Variants in ZNF804A observed in about 807,000 individuals in gnomAD.
ZNF804A encodes zinc finger protein 804A.
Under a neutral mutation model 16.5 loss-of-function variants are expected in ZNF804A, and 2 were observed. That is an observed-to-expected ratio of 0.12 (90% CI 0.05 to 0.38). The LOEUF (loss-of-function observed/expected upper bound fraction) is 0.38. Among genes scored for constraint, ZNF804A ranks in the 10% least tolerant of loss-of-function variants. The pLI, the probability that ZNF804A is intolerant of heterozygous loss-of-function variation, is 0.99. For synonymous variants in ZNF804A, 534 were observed against 489.6 expected, an observed-to-expected ratio of 1.09 and a Z score of -1.20; for missense variants, 1,473 against 1,390.7, an observed-to-expected ratio of 1.06 and a Z score of -0.94.
At chr2:184,658,221 C>T (rs545716839) in intron 1 of ZNF804A, among the ~76,000 whole-genome samples, 21 of 152,118 alleles carry the variant, frequency 1.4e-4, no homozygotes, top group Non-Finnish European at 2.5e-4. Context: ...TGGTGGCTCA[C>T]GCCTGTAATC....
At chr2:184,694,927 A>G (rs1352495109) in intron 1 of ZNF804A, among the ~76,000 whole-genome samples, 1 of 152,148 alleles carries the variant, frequency 6.6e-6, no homozygotes, top group Admixed American at 6.5e-5. Context: ...TGGATGTACG[A>G]ATTACACTAT....
At chr2:184,683,239 T>C (rs188507670) in intron 1 of ZNF804A, among the ~76,000 whole-genome samples, 4 of 152,326 alleles carry the variant, frequency 2.6e-5, no homozygotes, top group Admixed American at 6.5e-5. Flanking sequence ...AAACCCACAT[T>C]ATTATTTGTT....
intron 1 of ZNF804A, among the ~76,000 whole-genome samples, chr2:184,717,748 T>C (rs942767487): frequency 1.3e-5 from 2 of 152,224 alleles, no homozygotes; most frequent in Non-Finnish European, 2.9e-5. Flanking sequence ...TACATGCATA[T>C]AATGTGTAAT....
chr2:184,775,378 A>T (rs897744377), intron 1 of ZNF804A, among the ~76,000 whole-genome samples: 1 of 151,730 alleles, frequency 6.6e-6, no homozygotes, highest in Non-Finnish European at 1.5e-5. Context: ...CCTGCATGCC[A>T]GTGTAGTAAT....
intron 1 of ZNF804A, among the ~76,000 whole-genome samples, chr2:184,752,280 C>A (rs72901859): frequency 7.3e-5 from 11 of 151,424 alleles, no homozygotes; most frequent in Non-Finnish European, 1.3e-4. Context: ...ATATATACAC[C>A]ATGGAATACT....
intron 1 of ZNF804A, among the ~76,000 whole-genome samples, chr2:184,787,454 C>T (rs1329862149): frequency 6.6e-6 from 1 of 151,924 alleles, no homozygotes; most frequent in Non-Finnish European, 1.5e-5. Context: ...AGAGGTTGAA[C>T]TACTTTGCAT....
At chr2:184,651,506 C>A (rs531445070) in intron 1 of ZNF804A, among the ~76,000 whole-genome samples, 1 of 152,124 alleles carries the variant, frequency 6.6e-6, no homozygotes, top group African/African-American at 2.4e-5. Flanking sequence ...AACAGACAAC[C>A]TACACAATGG....
intron 1 of ZNF804A, among the ~76,000 whole-genome samples, chr2:184,814,620 G>T (rs1285001878): frequency 3.3e-5 from 5 of 152,008 alleles, no homozygotes; most frequent in African/African-American, 1.2e-4. Flanking sequence ...AGCACAGCAT[G>T]GCAGTTTCTG....
At chr2:184,840,160 G>A (rs534927578) in intron 1 of ZNF804A, among the ~76,000 whole-genome samples, 92 of 152,270 alleles carry the variant, frequency 6.0e-4, no homozygotes, top group African/African-American at 2.2e-3. Flanking sequence ...AGGCCAAGGT[G>A]GGAGGATCAC....
intron 1 of ZNF804A, among the ~76,000 whole-genome samples, chr2:184,835,841 T>G (rs1695337326): frequency 1.3e-5 from 2 of 152,046 alleles, no homozygotes; most frequent in African/African-American, 2.4e-5. Context: ...GCAGGCAAGT[T>G]TGTGGAAAAG....
intron 1 of ZNF804A, among the ~76,000 whole-genome samples, chr2:184,818,207 C>A (rs1396303379): frequency 1.3e-5 from 2 of 152,022 alleles, no homozygotes; most frequent in Non-Finnish European, 2.9e-5. Context: ...AACAGTGGAA[C>A]TCTCAGCAGA....
intron 1 of ZNF804A, among the ~76,000 whole-genome samples, chr2:184,792,796 A>G (rs1313075601): frequency 1.3e-5 from 2 of 151,724 alleles, no homozygotes; most frequent in Non-Finnish European, 2.9e-5. Context: ...TTTATTTTAG[A>G]TACAGGAGGT....
rs961815743 is a variant in ZNF804A, at chr2:184,937,755, C to G, written c.2359C>G (p.Arg787Gly). The change falls in exon 4 of 4, where the codon CGA becomes GGA. Residue 787 changes from arginine to glycine, a missense_variant. Transcript: ENST00000302277. Reference protein sequence around the residue: ...HSYSSDESLNRQNHLPEEFLR... With the variant: ...HSYSSDESLNGQNHLPEEFLR... ...TTATTCTTCAGATGAAAGTTTAAAT[C>G]GACAGAATCATTTACCAGAAGAATT... 1.2e-6 allele frequency: 2 copies of G among 1,613,900 alleles called. No individual in the cohort carries two copies. Among genetic ancestry groups the G allele is most frequent in the Non-Finnish European group, 1.7e-6 (2 of 1,179,956 alleles).
chr2:184,865,714 A>T (rs1003376537), intron 1 of ZNF804A, among the ~76,000 whole-genome samples: 4 of 152,196 alleles, frequency 2.6e-5, no homozygotes, highest in African/African-American at 9.6e-5. Context: ...TACTGTGAGT[A>T]TGATGAAAAC....
chr2:184,779,040 C>T (rs1694333887), intron 1 of ZNF804A, among the ~76,000 whole-genome samples: 1 of 151,538 alleles, frequency 6.6e-6, no homozygotes. Context: ...AATTCAACAT[C>T]CACCAACACA....
intron 2 of ZNF804A, among the ~76,000 whole-genome samples, chr2:184,880,700 T>G (rs1313529048): frequency 2.0e-5 from 3 of 152,028 alleles, no homozygotes; most frequent in Non-Finnish European, 4.4e-5. Context: ...TTGGCTGACA[T>G]GTCTGGAAGC....
intron 1 of ZNF804A, among the ~76,000 whole-genome samples, chr2:184,608,212 T>C (rs1395681063): frequency 1.3e-5 from 2 of 152,058 alleles, no homozygotes; most frequent in Non-Finnish European, 2.9e-5. Flanking sequence ...CCCAAAGTGC[T>C]GGGATTACAG....
intron 1 of ZNF804A, among the ~76,000 whole-genome samples, chr2:184,678,193 T>C (rs1692472168): frequency 1.3e-5 from 2 of 152,068 alleles, no homozygotes; most frequent in Admixed American, 6.5e-5. Context: ...TTTAAAACAG[T>C]GTAAGTGATT....
chr2:184,672,135 C>T (rs1482831210), intron 1 of ZNF804A, among the ~76,000 whole-genome samples: 1 of 152,110 alleles, frequency 6.6e-6, no homozygotes, highest in South Asian at 2.1e-4. Context: ...AAGCTAGACT[C>T]AGTGATGGTA....
Sources: gnomAD v4.1 joint callset for allele counts (sites outside exome capture counted in the v4.1 genomes callset) on GRCh38, gnomAD v4.1.1 for gene constraint, MANE v1.5 for transcripts, NCBI Gene and HGNC (gene_info 2026-07-23, HGNC 2026-07-21) for gene names.